The following GPC5 variants were observed in gnomAD, a reference collection of about 807,000 sequenced individuals.
The protein encoded by GPC5 is glypican-5.
GPC5 carries 47 observed loss-of-function variants against 53.9 expected under a neutral mutation model. That is an observed-to-expected ratio of 0.87 (90% confidence interval 0.69 to 1.11). The LOEUF (loss-of-function observed/expected upper bound fraction) is 1.11, where lower values mean the gene tolerates loss of function less well. Among genes scored for constraint, GPC5 ranks in the 50% most tolerant of loss-of-function variants. The pLI is 0.00. For synonymous variants in GPC5, 286 were observed against 263.3 expected, an observed-to-expected ratio of 1.09 and a Z score of -0.84; for missense variants, 748 against 713.1, an observed-to-expected ratio of 1.05 and a Z score of -0.56.
intron 7 of GPC5, among the ~76,000 whole-genome samples, chr13:92,468,094 T>C (rs981820615): frequency 6.6e-6 from 1 of 152,058 alleles, no homozygotes; most frequent in African/African-American, 2.4e-5. Context: ...TGAGCTAACA[T>C]TGACAGTATG....
intron 2 of GPC5, among the ~76,000 whole-genome samples, chr13:91,675,575 A>G (rs2035363061): frequency 6.6e-6 from 1 of 152,218 alleles, no homozygotes; most frequent in Non-Finnish European, 1.5e-5. Context: ...AAATACTGCA[A>G]TATGTGTATT....
chr13:92,138,354 T>C (rs1287474188), intron 6 of GPC5, among the ~76,000 whole-genome samples: 1 of 151,842 alleles, frequency 6.6e-6, no homozygotes, highest in African/African-American at 2.4e-5. Flanking sequence ...GCCCTGTCTC[T>C]ACTAAAAATA....
At chr13:91,498,275 T>C (rs1286834653) in intron 2 of GPC5, among the ~76,000 whole-genome samples, 8 of 146,824 alleles carry the variant, frequency 5.4e-5, no homozygotes, top group Admixed American at 2.1e-4. Flanking sequence ...GTTCATAGTA[T>C]TTATCACATT....
chr13:92,180,113 T>C (rs1459633424), intron 7 of GPC5, among the ~76,000 whole-genome samples: 1 of 152,194 alleles, frequency 6.6e-6, no homozygotes, highest in Admixed American at 6.5e-5. Context: ...GTCTTCTTAA[T>C]TGGCAGTTTT....
intron 6 of GPC5, among the ~76,000 whole-genome samples, chr13:92,045,012 G>A (rs2040970555): frequency 6.6e-6 from 1 of 152,152 alleles, no homozygotes; most frequent in Admixed American, 6.5e-5. Context: ...TATATAGCAA[G>A]TCAGAGTGAG....
chr13:91,850,819 G>T (rs1198554511), intron 5 of GPC5, among the ~76,000 whole-genome samples: 1 of 152,094 alleles, frequency 6.6e-6, no homozygotes, highest in African/African-American at 2.4e-5. Flanking sequence ...ACAAGAAAAA[G>T]GTTGTTTTGT....
intron 7 of GPC5, among the ~76,000 whole-genome samples, chr13:92,388,422 C>A (rs1463369903): frequency 6.6e-6 from 1 of 151,856 alleles, no homozygotes; most frequent in East Asian, 1.9e-4. Context: ...TGATTGTGAC[C>A]CACTCAGTGA....
At chr13:92,508,947 C>T (rs1381023521) in intron 7 of GPC5, among the ~76,000 whole-genome samples, 2 of 152,170 alleles carry the variant, frequency 1.3e-5, no homozygotes, top group East Asian at 3.8e-4. Context: ...GGCGCCTACT[C>T]TGTGCAAATC....
intron 7 of GPC5, among the ~76,000 whole-genome samples, chr13:92,493,291 CAT>C (rs1401672919): frequency 6.6e-6 from 1 of 152,134 alleles, no homozygotes; most frequent in Admixed American, 6.5e-5. Flanking sequence ...CAGGAACAAT[CAT>C]ATTCGGAGAA....
chr13:92,322,958 A>G lies in GPC5; in HGVS notation c.1561+177969A>G, dbSNP rs190200855. Reference sequence around the variant, plus strand: ...CTCTACCTGTCAGGGAAAGAGAAGGAGGAGACAAAAAAAGGCAAGGAAATT... The same window carrying G: ...CTCTACCTGTCAGGGAAAGAGAAGGGGGAGACAAAAAAAGGCAAGGAAATT... On this transcript the variant is annotated intron_variant, in intron 7 of 7. Coordinates refer to ENST00000377067, the MANE Select transcript of GPC5 (RefSeq NM_004466.6). Among the ~76,000 whole-genome samples, 357 of 152,200 alleles carry G rather than the reference A, an allele frequency of 2.3e-3. 1 individual carries two copies. The highest frequency in any genetic ancestry group is 8.4e-3 in the African/African-American group (350 of 41,572).
At chr13:92,566,389 T>G (rs1279661831) in intron 7 of GPC5, among the ~76,000 whole-genome samples, 4 of 152,158 alleles carry the variant, frequency 2.6e-5, no homozygotes, top group African/African-American at 9.7e-5. Flanking sequence ...TTAATATCTT[T>G]AAAGCTAAAT....
chr13:91,609,502 TA>T (rs2033481883), intron 2 of GPC5, among the ~76,000 whole-genome samples: 1 of 152,196 alleles, frequency 6.6e-6, no homozygotes, highest in Non-Finnish European at 1.5e-5. Context: ...TAAGGTTCCT[TA>T]ATCTGCCAGG....
chr13:92,153,714 T>G (rs935272156), intron 7 of GPC5, among the ~76,000 whole-genome samples: 3 of 152,238 alleles, frequency 2.0e-5, no homozygotes, highest in Admixed American at 2.0e-4. Context: ...TTGTACCAAT[T>G]CATATTCTCA....
At chr13:91,919,652 G>A (rs751984633) in intron 6 of GPC5, among the ~76,000 whole-genome samples, 16 of 152,158 alleles carry the variant, frequency 1.1e-4, no homozygotes, top group African/African-American at 3.4e-4. Context: ...AAAGACAGGC[G>A]TGTATTGCTT....
intron 7 of GPC5, among the ~76,000 whole-genome samples, chr13:92,210,976 C>T (rs2042370887): frequency 6.6e-6 from 1 of 152,196 alleles, no homozygotes; most frequent in Non-Finnish European, 1.5e-5. Flanking sequence ...TCCTGAGGCA[C>T]TGGTTCTACC....
intron 7 of GPC5, among the ~76,000 whole-genome samples, chr13:92,320,945 C>G (rs2139222628): frequency 6.6e-6 from 1 of 152,196 alleles, no homozygotes; most frequent in South Asian, 2.1e-4. Context: ...CAATAAATCC[C>G]TGGTATTTTA....
chr13:92,742,839 A>T (rs968238612), intron 7 of GPC5, among the ~76,000 whole-genome samples: 13 of 152,126 alleles, frequency 8.5e-5, no homozygotes, highest in African/African-American at 3.1e-4. Flanking sequence ...TAAATAGGGA[A>T]TCCTTTCCCC....
chr13:92,032,458 A>C (rs1012411283), intron 6 of GPC5, among the ~76,000 whole-genome samples: 5 of 151,264 alleles, frequency 3.3e-5, no homozygotes, highest in African/African-American at 9.7e-5. Context: ...AAAAAAAAAA[A>C]CAGAAACAAA....
intron 7 of GPC5, among the ~76,000 whole-genome samples, chr13:92,182,855 C>T (rs575181800): frequency 7.5e-5 from 11 of 147,496 alleles, no homozygotes; most frequent in Admixed American, 3.4e-4. Context: ...GGCAACAGAG[C>T]GAGACTCCGT....
Sources: allele counts gnomAD v4.1 joint callset (sites outside exome capture counted in the v4.1 genomes callset), GRCh38; gene constraint gnomAD v4.1.1; transcripts MANE v1.5; gene names NCBI Gene and HGNC (gene_info 2026-07-23, HGNC 2026-07-21).